GAPVD1: variants seen among roughly 807,000 people sequenced by gnomAD.
GAPVD1 encodes GTPase activating protein and VPS9 domains 1, also known as GTPase-activating protein and VPS9 domain-containing protein 1.
GAPVD1 carries 35 observed loss-of-function variants against 155.5 expected under a neutral mutation model. The observed-to-expected ratio is 0.23, with a 90% CI of 0.17 to 0.30. GAPVD1 has a LOEUF of 0.30. Ranked by LOEUF, GAPVD1 falls within the 10% of genes least tolerant of loss-of-function variation. GAPVD1 has a pLI of 1.00. For missense variants in GAPVD1, 1,429 were observed against 1,775.7 expected (o/e 0.80, Z 3.51); for synonymous variants, 636 against 619.7 (o/e 1.03, Z -0.39).
intron 2 of GAPVD1, among the ~76,000 whole-genome samples, chr9:125,269,779 A>C (rs979508962): frequency 2.5e-4 from 34 of 136,230 alleles, no homozygotes; most frequent in African/African-American, 9.9e-4. Context: ...GTACAGTGGC[A>C]TGATCTCTGC....
chr9:125,361,265 C>T (rs544191357), intron 27 of GAPVD1, among the ~76,000 whole-genome samples: 4 of 151,678 alleles, frequency 2.6e-5, no homozygotes, highest in African/African-American at 7.3e-5. Flanking sequence ...CTAGGTTGGG[C>T]GCGGTGGCTC....
chr9:125,278,532 A>G (rs1836196730), intron 2 of GAPVD1, among the ~76,000 whole-genome samples: 1 of 148,330 alleles, frequency 6.7e-6, no homozygotes, highest in Non-Finnish European at 1.5e-5. Context: ...AAACAAATAA[A>G]TAAGTAAAAT....
chr9:125,291,497 T>A (rs1206114243), intron 2 of GAPVD1, among the ~76,000 whole-genome samples: 1 of 152,014 alleles, frequency 6.6e-6, no homozygotes, highest in Non-Finnish European at 1.5e-5. Context: ...AGGAAGCAGG[T>A]GAAGGTTAGT....
intron 2 of GAPVD1, among the ~76,000 whole-genome samples, chr9:125,289,979 G>T (rs146590695): frequency 6.6e-6 from 1 of 152,200 alleles, no homozygotes; most frequent in Admixed American, 6.6e-5. Flanking sequence ...GGGTGTCCTA[G>T]AAGTCAAAGA....
At chr9:125,342,076 A>G (rs772689357) in intron 18 of GAPVD1, 143 bp from the exon 19 acceptor site, 4 of 582,674 alleles carry the variant, frequency 6.9e-6, no homozygotes, top group African/African-American at 1.9e-5. Flanking sequence ...TACTATTTTA[A>G]GGACAATTAT....
intron 2 of GAPVD1, among the ~76,000 whole-genome samples, chr9:125,278,017 A>C (rs958168292): frequency 6.6e-6 from 1 of 152,136 alleles, no homozygotes; most frequent in African/African-American, 2.4e-5. Flanking sequence ...GTATATTATT[A>C]ATGCCTGACA....
At chr9:125,317,275 G>A (rs1187698704) in intron 9 of GAPVD1, among the ~76,000 whole-genome samples, 23 of 150,608 alleles carry the variant, frequency 1.5e-4, no homozygotes, top group Middle Eastern at 3.4e-3. Flanking sequence ...CCAAGATTGC[G>A]CCATTGCACT....
chr9:125,265,385 G>A (rs758861114), intron 1 of GAPVD1, among the ~76,000 whole-genome samples: 1 of 151,524 alleles, frequency 6.6e-6, no homozygotes, highest in African/African-American at 2.4e-5. Flanking sequence ...ACTATAGGTC[G>A]GCACCACCAC....
At chr9:125,282,337 A>G (rs757941356) in intron 2 of GAPVD1, among the ~76,000 whole-genome samples, 9 of 151,562 alleles carry the variant, frequency 5.9e-5, no homozygotes, top group Non-Finnish European at 1.0e-4. Context: ...GGGTTTCACC[A>G]TGTTGGTCAG....
chr9:125,326,085 C>G (rs753402747), intron 11 of GAPVD1, among the ~76,000 whole-genome samples: 1 of 152,170 alleles, frequency 6.6e-6, no homozygotes, highest in African/African-American at 2.4e-5. Flanking sequence ...TTCAGTTATC[C>G]ACTGGAGGCC....
intron 25 of GAPVD1, among the ~76,000 whole-genome samples, chr9:125,357,946 A>T (rs964092860): frequency 2.6e-5 from 4 of 151,834 alleles, no homozygotes; most frequent in Non-Finnish European, 5.9e-5. Context: ...CTGCACTCCA[A>T]CCTGGACAAC....
intron 1 of GAPVD1, among the ~76,000 whole-genome samples, chr9:125,267,256 C>T (rs1834124298): frequency 6.6e-6 from 1 of 152,082 alleles, no homozygotes; most frequent in South Asian, 2.1e-4. Flanking sequence ...TTACTTGAGC[C>T]TAGGAATTTG....
chr9:125,303,505 G>A (rs557042709), intron 5 of GAPVD1, among the ~76,000 whole-genome samples: 1 of 151,542 alleles, frequency 6.6e-6, no homozygotes, highest in Non-Finnish European at 1.5e-5. Flanking sequence ...GGCCGGGTGC[G>A]GTGGCTTACG....
chr9:125,286,648 T>C (rs1343122845), intron 2 of GAPVD1, among the ~76,000 whole-genome samples: 1 of 152,136 alleles, frequency 6.6e-6, no homozygotes, highest in Non-Finnish European at 1.5e-5. Context: ...AAAGATAAAA[T>C]ATTGAGAGCT....
chr9:125,287,243 C>CA (rs1837852619), intron 2 of GAPVD1, among the ~76,000 whole-genome samples: 1 of 151,684 alleles, frequency 6.6e-6, no homozygotes, highest in African/African-American at 2.4e-5. Flanking sequence ...ACGATGAACT[C>CA]AAAGTAAAAA....
chr9:125,288,042 C>CT (rs1837995397), intron 2 of GAPVD1, among the ~76,000 whole-genome samples: 1 of 151,388 alleles, frequency 6.6e-6, no homozygotes, highest in South Asian at 2.1e-4. Context: ...TTCTGGCCTA[C>CT]TTTAAGTCTT....
At position 125,301,963 on chromosome 9, in the gene GAPVD1, C is replaced by CTT. The variant is rs397893733; in HGVS notation, c.186-4_186-3dup. ...AATACTATTATTTTGCTTGTTTGCT[C>CTT]TTTTTTTTTTTTTTTTTAGTGCTGA... is the stretch of plus-strand genomic sequence containing the variant. On this transcript the variant is annotated intron_variant, in intron 4 of 27. Coordinates refer to ENST00000297933, the MANE Select transcript of GAPVD1 (RefSeq NM_001282680.3). The CTT allele has an allele frequency of 5.4e-3, 7,530 of 1,389,310 alleles. 91 individuals carry two copies. The highest frequency in any genetic ancestry group is 0.047 in the Admixed American group (1,796 of 37,980). 86.1% of individuals were successfully genotyped at this position (1,389,310 alleles called of 1,614,324 possible). A position where few individuals can be genotyped will look rare whatever the true frequency, so the allele number is the denominator to read the frequency against.
Position 125,350,906 on chromosome 9 carries a change from A to G in GAPVD1, c.3569+34A>G, listed in dbSNP as rs949052512. ...CCCCACCTGTTCAGCTTTTAAACCT[A>G]GTTGTTAGCTGCAAGTGTTTTCTTT... On this transcript the variant is annotated intron_variant, in intron 23 of 27. Coordinates refer to ENST00000297933, the MANE Select transcript of GAPVD1 (RefSeq NM_001282680.3). 18 of 1,511,260 alleles carry G rather than the reference A, an allele frequency of 1.2e-5. No homozygotes were observed. The Admixed American group carries it at 3.3e-4, about 28-fold the overall frequency. 93.6% of individuals were successfully genotyped at this position (1,511,260 alleles called of 1,614,324 possible).
chr9:125,285,748 A>G (rs1216789921), intron 2 of GAPVD1, among the ~76,000 whole-genome samples: 1 of 152,042 alleles, frequency 6.6e-6, no homozygotes, highest in South Asian at 2.1e-4. Flanking sequence ...GGTGTGAGCC[A>G]CTGCACCTGG....
Sources: allele counts gnomAD v4.1 joint callset (sites outside exome capture counted in the v4.1 genomes callset), GRCh38; gene constraint gnomAD v4.1.1; transcripts MANE v1.5; gene names NCBI Gene and HGNC (gene_info 2026-07-23, HGNC 2026-07-21).